The following TNS3 variants were observed in gnomAD, a reference collection of about 807,000 sequenced individuals.
TNS3 encodes the protein tensin-3.
In TNS3, 45 loss-of-function variants were observed where a neutral mutation model predicts 140.9. The ratio of observed to expected loss-of-function variants is 0.32; its 90% CI spans 0.25 to 0.41. The LOEUF is 0.41. TNS3 is among the 10% of genes least tolerant of loss of function. TNS3 has a pLI of 1.00. For missense variants in TNS3, 1,716 were observed against 1,906.7 expected, an observed-to-expected ratio of 0.90 and a Z score of 1.86; for synonymous variants, 815 against 788.4, an observed-to-expected ratio of 1.03 and a Z score of -0.56.
At chr7:47,292,155 C>G in intron 26 of TNS3, 123 bp from the exon 27 acceptor site, 1 of 900,770 alleles carries the variant, frequency 1.1e-6, no homozygotes. Context: ...TTTGCAGAGT[C>G]AAGAGTTTCT....
intron 4 of TNS3, among the ~76,000 whole-genome samples, chr7:47,457,517 C>T (rs750782277): frequency 5.3e-5 from 8 of 152,218 alleles, no homozygotes; most frequent in Non-Finnish European, 5.9e-5. Flanking sequence ...GGCCACTCCT[C>T]CTAATCACTC....
At chr7:47,522,666 C>T (rs1341436908) in intron 2 of TNS3, among the ~76,000 whole-genome samples, 10 of 152,192 alleles carry the variant, frequency 6.6e-5, no homozygotes, top group African/African-American at 1.7e-4. Context: ...CGGTGGCTCA[C>T]GCCTGTAATC....
chr7:47,420,703 G>C (rs1794332656), intron 10 of TNS3, among the ~76,000 whole-genome samples: 1 of 152,170 alleles, frequency 6.6e-6, no homozygotes, highest in South Asian at 2.1e-4. Flanking sequence ...TCTCTTCTAA[G>C]CGTACTTTCC....
chr7:47,575,891 G>A (rs969975369), intron 1 of TNS3, among the ~76,000 whole-genome samples: 3 of 148,800 alleles, frequency 2.0e-5, no homozygotes, highest in South Asian at 2.2e-4. Context: ...GCTACTCTCC[G>A]AGTAATACAG....
At chr7:47,373,922 C>G (rs940995651) in intron 16 of TNS3, among the ~76,000 whole-genome samples, 2 of 152,194 alleles carry the variant, frequency 1.3e-5, no homozygotes, top group Non-Finnish European at 2.9e-5. Context: ...CCACAAGGAT[C>G]TGAAGGTAGA....
intron 2 of TNS3, among the ~76,000 whole-genome samples, chr7:47,523,705 C>A (rs1489444342): frequency 6.6e-6 from 1 of 152,124 alleles, no homozygotes; most frequent in Non-Finnish European, 1.5e-5. Flanking sequence ...TTCCTGGTTC[C>A]TTCTCCTGAT....
In TNS3 at chr7:47,568,522, G is replaced by C. The variant is rs1264239714; in HGVS notation, c.-265+13529C>G. ...CTCACTGAACATGAGCTGCATGAAAGGAATGAGTGAGTGAATGAATGAATA... is the reference window on the plus strand; with the variant it reads ...CTCACTGAACATGAGCTGCATGAAACGAATGAGTGAGTGAATGAATGAATA... On this transcript the variant is annotated intron_variant, in intron 1 of 30. Transcript: ENST00000311160. Among the ~76,000 whole-genome samples, 3 of 152,354 alleles carry C rather than the reference G, an allele frequency of 2.0e-5. No individual in the cohort carries two copies. In the East Asian group the frequency reaches 5.8e-4, roughly 29 times the overall value.
chr7:47,325,075 G>A (rs7781509), intron 20 of TNS3, among the ~76,000 whole-genome samples: 57,318 of 151,730 alleles, frequency 0.38, 10,904 homozygotes, highest in South Asian at 0.47. Flanking sequence ...ATGATGGACC[G>A]TGTGGTTTTG....
intron 3 of TNS3, among the ~76,000 whole-genome samples, chr7:47,497,729 TTTTG>T (rs530917007): frequency 4.0e-5 from 6 of 149,906 alleles, no homozygotes; most frequent in African/African-American, 1.5e-4. Context: ...TGCTCTTTTC[TTTTG>T]TTTTTGTTTA....
chr7:47,404,239 A>G (rs1219778359), intron 13 of TNS3, among the ~76,000 whole-genome samples: 4 of 152,240 alleles, frequency 2.6e-5, no homozygotes, highest in African/African-American at 9.6e-5. Flanking sequence ...TGATGTTGAC[A>G]TCACAAATCG....
chr7:47,523,192 G>C (rs1799053772), intron 2 of TNS3, among the ~76,000 whole-genome samples: 1 of 152,078 alleles, frequency 6.6e-6, no homozygotes, highest in South Asian at 2.1e-4. Context: ...GTGTGAGGGA[G>C]CTTTCTAGGG....
intron 20 of TNS3, among the ~76,000 whole-genome samples, chr7:47,333,742 G>A (rs537957691): frequency 6.6e-6 from 1 of 152,308 alleles, no homozygotes; most frequent in Non-Finnish European, 1.5e-5. Flanking sequence ...CTCTGTCTCT[G>A]TCTTCCTCTT....
intron 2 of TNS3, among the ~76,000 whole-genome samples, chr7:47,519,998 G>GT (rs1029900497): frequency 8.6e-5 from 13 of 150,846 alleles, no homozygotes; most frequent in African/African-American, 1.7e-4. Context: ...AATTTTTTGT[G>GT]TTTTTTTTAG....
At chr7:47,323,179 C>A (rs1787847024) in intron 20 of TNS3, among the ~76,000 whole-genome samples, 1 of 152,200 alleles carries the variant, frequency 6.6e-6, no homozygotes, top group Non-Finnish European at 1.5e-5. Context: ...TACCTTTTCA[C>A]CCACAGTGCA....
intron 1 of TNS3, among the ~76,000 whole-genome samples, chr7:47,576,343 C>G (rs1438082620): frequency 6.6e-6 from 1 of 152,102 alleles, no homozygotes. Flanking sequence ...AGTGGAGGAG[C>G]AAACCTGTGG....
Position 47,389,097 on chromosome 7 carries a change from AGGAAGCGGAAGC to A in TNS3, c.1024+7691_1024+7702del, listed in dbSNP as rs1466806754. On this transcript the variant is annotated intron_variant, in intron 16 of 30. Transcript: ENST00000311160. ...GAAGAAGAAGAAGAGGAAGAGGAAG[AGGAAGCGGAAGC>A]AGAAGAAGAAGAAGAAGAAGAAGAA... 9.2e-4 allele frequency among the ~76,000 whole-genome samples: 51 copies of A among 55,690 alleles called. 14 individuals are homozygous for A. Among genetic ancestry groups the A allele is most frequent in the African/African-American group, 3.5e-3 (36 of 10,284 alleles). The allele number at this position is 55,690 out of a possible 152,430, so 36.5% of individuals were successfully genotyped here. A position where few individuals can be genotyped will look rare whatever the true frequency, so the allele number is the denominator to read the frequency against.
At chr7:47,389,026 A>G (rs1335617183) in intron 16 of TNS3, among the ~76,000 whole-genome samples, 7 of 6,032 alleles carry the variant, frequency 1.2e-3, no homozygotes, top group Non-Finnish European at 2.3e-3. Context: ...AAGAAGAAGA[A>G]GAAGAAGAAG....
chr7:47,280,047 T>C, intron 30 of TNS3, 117 bp downstream of exon 30: 2 of 1,210,544 alleles, frequency 1.7e-6, no homozygotes, highest in South Asian at 2.7e-5. Context: ...TTAAAAGAAA[T>C]TGGCATGGTG....
intron 20 of TNS3, among the ~76,000 whole-genome samples, chr7:47,325,770 A>T (rs1479104849): frequency 6.6e-6 from 1 of 152,216 alleles, no homozygotes; most frequent in Non-Finnish European, 1.5e-5. Context: ...TGACAGCAGT[A>T]AGACCACCTT....
Sources: allele counts gnomAD v4.1 joint callset (sites outside exome capture counted in the v4.1 genomes callset), GRCh38; gene constraint gnomAD v4.1.1; transcripts MANE v1.5; gene names NCBI Gene and HGNC (gene_info 2026-07-23, HGNC 2026-07-21).